Variants in GPNMB observed in about 807,000 individuals in gnomAD.
GPNMB encodes transmembrane glycoprotein NMB.
A neutral mutation model predicts 57.3 loss-of-function variants in GPNMB; 71 were observed. That is an observed-to-expected ratio of 1.24 (90% CI 1.02 to 1.51). The LOEUF (loss-of-function observed/expected upper bound fraction) is 1.51, where lower values mean the gene tolerates loss of function less well. Among genes scored for constraint, GPNMB ranks in the 40% most tolerant of loss-of-function variants. The pLI is 0.00. For synonymous variants in GPNMB, 253 were observed against 263.2 expected (o/e 0.96, Z 0.38); for missense variants, 677 against 691.9 (o/e 0.98, Z 0.24).
In GPNMB at chr7:23,254,254, TAGATGCCAAAAGGA is replaced by T. The variant is rs758729806; in HGVS notation, c.319_332del (p.Lys107TrpfsTer6). 1,170 of 1,613,644 alleles carry T rather than the reference TAGATGCCAAAAGGA, an allele frequency of 7.3e-4. No homozygotes were observed. The highest frequency in any genetic ancestry group is 9.0e-4 in the Non-Finnish European group (1,062 of 1,179,558). Reference sequence around the variant, plus strand: ...CATTTGCGGTGAACCTGATATTCCCTAGATGCCAAAAGGAAGATGCCAATGGCAACATAGTCTAT... The same window carrying T: ...CATTTGCGGTGAACCTGATATTCCCTAGATGCCAATGGCAACATAGTCTAT... On this transcript the variant is annotated frameshift_variant, in exon 3 of 11. Coordinates refer to ENST00000258733, the MANE Select transcript of GPNMB (RefSeq NM_002510.3). LOFTEE classifies it high-confidence loss of function.
At chr7:23,266,454 T>C in intron 6 of GPNMB, 63 bp from the exon 7 acceptor site, 1 of 1,548,778 alleles carries the variant, frequency 6.5e-7, no homozygotes, top group Non-Finnish European at 8.8e-7. Context: ...TTTTTTATTA[T>C]ATCACATGTA....
chr7:23,260,070 C>G lies in GPNMB; in HGVS notation c.632C>G (p.Thr211Ser). The G allele has an allele frequency of 6.2e-7, 1 of 1,613,966 alleles. No homozygotes were observed. Among genetic ancestry groups the G allele is most frequent in the East Asian group, 2.2e-5 (1 of 44,884 alleles). ...VTLGPQLMEV[T>S]VYRRHGRAYV... ...CTTGGGCCTCAACTCATGGAAGTGA[C>G]TGTCTACAGAAGACATGGACGGGCA... The change falls in exon 5 of 11, where the codon ACT becomes AGT. Residue 211 changes from threonine (T) to serine (S), a missense_variant. By Grantham distance (58) the Thr-to-Ser change is moderately conservative. Coordinates refer to ENST00000258733, the MANE Select transcript of GPNMB (RefSeq NM_002510.3).
rs1782791521 is a variant in GPNMB, at chr7:23,256,879, T to A, written c.368-13T>A. On this transcript the variant is annotated splice_polypyrimidine_tract_variant and intron_variant, in intron 3 of 10. Transcript: ENST00000258733. The stretch of plus-strand genomic sequence containing the variant: ...CTAGATAACACTCATGGCTGGTTTC[T>A]ATCTCTGTTTAGAGGCTGGTTTATC... The A allele has an allele frequency of 2.5e-6, 4 of 1,611,492 alleles. No individual in the cohort carries two copies. The African/African-American group carries it at 4.0e-5, about 16-fold the overall frequency.
intron 3 of GPNMB, 34 bp from the exon 4 acceptor site, chr7:23,256,858 A>T (rs758693391): frequency 4.4e-6 from 7 of 1,594,046 alleles, no homozygotes; most frequent in Non-Finnish European, 6.0e-6. Context: ...CTGAGCCTAG[A>T]TAACACTCAT....
chr7:23,264,669 G>A (rs1179082151), intron 6 of GPNMB, among the ~76,000 whole-genome samples: 1 of 152,142 alleles, frequency 6.6e-6, no homozygotes, highest in Non-Finnish European at 1.5e-5. Flanking sequence ...GAGCCACCAT[G>A]CCTGGCCTCC....
chr7:23,265,081 G>C (rs115092580), intron 6 of GPNMB, among the ~76,000 whole-genome samples: 1 of 152,154 alleles, frequency 6.6e-6, no homozygotes, highest in Non-Finnish European at 1.5e-5. Context: ...CACTGCATTC[G>C]ATCTAACACA....
intron 10 of GPNMB, 77 bp from the exon 11 acceptor site, chr7:23,273,988 C>A (rs1459722998): frequency 3.7e-6 from 4 of 1,090,616 alleles, no homozygotes; most frequent in Non-Finnish European, 5.4e-6. Flanking sequence ...TTATACCTGG[C>A]ATGAAAAAGA....
intron 1 of GPNMB, 131 bp downstream of exon 1, chr7:23,247,058 T>C (rs1209848127): frequency 1.4e-6 from 1 of 725,036 alleles, no homozygotes; most frequent in East Asian, 2.6e-5. Context: ...CTCACTCATC[T>C]CTTCTTCTGC....
intron 9 of GPNMB, among the ~76,000 whole-genome samples, chr7:23,271,721 T>C (rs963301655): frequency 6.6e-6 from 1 of 151,772 alleles, no homozygotes; most frequent in African/African-American, 2.4e-5. Flanking sequence ...ATTTGAACCC[T>C]GGAGGCAGAG....
chr7:23,260,541 G>A lies in GPNMB; in HGVS notation c.786G>A (p.Met262Ile). Reference sequence around the variant, plus strand: ...CCTTCCTCAAAGATCTCCCCATTATGTTTGATGTCCTGATTCATGATCCTA... The same window carrying A: ...CCTTCCTCAAAGATCTCCCCATTATATTTGATGTCCTGATTCATGATCCTA... ...DETFLKDLPI[M>I]FDVLIHDPSH... The change falls in exon 6 of 11, where the codon ATG becomes ATA. Residue 262 changes from methionine (M) to isoleucine (I), a missense_variant. Transcript: ENST00000258733. The A allele has an allele frequency of 2.5e-6, 4 of 1,613,508 alleles. No individual in the cohort carries two copies. The highest frequency in any genetic ancestry group is 3.4e-6 in the Non-Finnish European group (4 of 1,179,484).
At chr7:23,255,753 T>C (rs1052784595) in intron 3 of GPNMB, among the ~76,000 whole-genome samples, 1 of 152,222 alleles carries the variant, frequency 6.6e-6, no homozygotes, top group Admixed American at 6.5e-5. Flanking sequence ...TTAATTTTTT[T>C]ATTGATACAT....
At position 23,256,917 on chromosome 7, in the gene GPNMB, T is replaced by G. The variant is rs529106597; in HGVS notation, c.393T>G (p.Tyr131Ter). The G allele has an allele frequency of 6.8e-6, 11 of 1,614,194 alleles. No individual in the cohort carries two copies. In the East Asian group the frequency reaches 2.2e-4, roughly 33 times the overall value. The change falls in exon 4 of 11, where the codon TAT (tyrosine) becomes TAG (stop). Residue 131 changes from tyrosine to a stop codon, truncating the protein, a stop_gained. Transcript: ENST00000258733. LOFTEE classifies it high-confidence loss of function. ...RNEAGLSADP[Y>*]VYNWTAWSED... Reference sequence around the variant, plus strand: ...AGGCTGGTTTATCTGCTGATCCGTATGTTTACAACTGGACAGCATGGTCAG... The same window carrying G: ...AGGCTGGTTTATCTGCTGATCCGTAGGTTTACAACTGGACAGCATGGTCAG...
intron 4 of GPNMB, 121 bp from the exon 5 acceptor site, chr7:23,259,859 G>A: frequency 1.2e-6 from 1 of 820,586 alleles, no homozygotes; most frequent in Non-Finnish European, 2.0e-6. Flanking sequence ...AGCACCACAG[G>A]CCCATCCTAT....
At chr7:23,268,028 C>G (rs778637813) in intron 8 of GPNMB, 40 bp downstream of exon 8, 1 of 1,145,564 alleles carries the variant, frequency 8.7e-7, no homozygotes, top group East Asian at 2.3e-5. Context: ...GGTGGGTCAA[C>G]TGAGGACCTC....
At chr7:23,256,752 A>G (rs142237543) in intron 3 of GPNMB, 140 bp from the exon 4 acceptor site, 23 of 645,146 alleles carry the variant, frequency 3.6e-5, no homozygotes, top group Middle Eastern at 5.3e-4. Context: ...GATGGATTCT[A>G]CATATTAAGT....
At chr7:23,272,503 G>C (rs112106326) in intron 9 of GPNMB, among the ~76,000 whole-genome samples, 2 of 144,174 alleles carry the variant, frequency 1.4e-5, no homozygotes, top group Non-Finnish European at 3.0e-5. Context: ...GAGAGAAAGA[G>C]AGAGAGAGTG....
In GPNMB at chr7:23,254,184, CG is replaced by C; in HGVS notation, c.241del (p.Val81SerfsTer2). The C allele has an allele frequency of 6.2e-7, 1 of 1,613,044 alleles. No homozygotes were observed. ...KNSWKGGRVQ[A>X]VLTSDSPALV... ...TATACCCTAGGAGGCCGTGTGCAGG[CG>C]GTCCTGACCAGTGACTCACCAGCCC... On this transcript the variant is annotated frameshift_variant, in exon 3 of 11. Transcript: ENST00000258733. LOFTEE classifies it high-confidence loss of function.
chr7:23,271,680 C>G (rs1583840336), intron 9 of GPNMB, among the ~76,000 whole-genome samples: 2 of 152,022 alleles, frequency 1.3e-5, no homozygotes, highest in East Asian at 3.9e-4. Flanking sequence ...CCTGTAGTCC[C>G]AGCTACTCGG....
In GPNMB at chr7:23,255,613, T is replaced by C. The variant is rs1353252944; in HGVS notation, c.368-1279T>C. 2.6e-5 allele frequency among the ~76,000 whole-genome samples: 4 copies of C among 152,190 alleles called. No homozygotes were observed. The East Asian group carries it at 7.7e-4, about 29-fold the overall frequency. On this transcript the variant is annotated intron_variant, in intron 3 of 10. Coordinates refer to ENST00000258733, the MANE Select transcript of GPNMB (RefSeq NM_002510.3). ...ATATGGTAGCTCTATTTTTAGTTTT[T>C]TGAGGAACCTCCATACTGTTTTCCA...
Sources: allele counts gnomAD v4.1 joint callset (sites outside exome capture counted in the v4.1 genomes callset), GRCh38; gene constraint gnomAD v4.1.1; transcripts MANE v1.5; gene names NCBI Gene and HGNC (gene_info 2026-07-23, HGNC 2026-07-21).